The following CDH10 variants were observed in gnomAD, a reference collection of about 807,000 sequenced individuals.
CDH10 encodes cadherin-10.
A neutral mutation model predicts 73.1 loss-of-function variants in CDH10; 30 were observed. The ratio of observed to expected loss-of-function variants is 0.41; its 90% CI spans 0.31 to 0.56. The LOEUF is 0.56. CDH10 is among the 20% of genes least tolerant of loss of function. The pLI is 0.27. For synonymous variants in CDH10, 345 were observed against 348.2 expected (o/e 0.99, Z 0.10); for missense variants, 815 against 973.7 (o/e 0.84, Z 2.17).
At chr5:24,586,358 T>C (rs1745992446) in intron 2 of CDH10, among the ~76,000 whole-genome samples, 3 of 151,964 alleles carry the variant, frequency 2.0e-5, no homozygotes, top group South Asian at 2.1e-4. Flanking sequence ...AGGTTTTAAG[T>C]TATAGTTTAA....
intron 5 of CDH10, among the ~76,000 whole-genome samples, chr5:24,515,230 A>C (rs1382192590): frequency 6.6e-6 from 1 of 152,212 alleles, no homozygotes; most frequent in Non-Finnish European, 1.5e-5. Flanking sequence ...AAAATATACC[A>C]AAATCTACAA....
intron 2 of CDH10, among the ~76,000 whole-genome samples, chr5:24,548,086 CCA>C (rs1744406226): frequency 6.6e-6 from 1 of 152,122 alleles, no homozygotes; most frequent in Non-Finnish European, 1.5e-5. Context: ...AATCAGAAAT[CCA>C]CAGACTAGGC....
intron 2 of CDH10, among the ~76,000 whole-genome samples, chr5:24,550,395 T>C (rs576800318): frequency 1.3e-5 from 2 of 152,094 alleles, no homozygotes; most frequent in African/African-American, 2.4e-5. Flanking sequence ...AAAAAAATGA[T>C]GTATTCCACC....
In CDH10 at chr5:24,487,417, C is replaced by A. The variant is rs1741879660; in HGVS notation, c.*246G>T. On this transcript the variant is annotated 3_prime_UTR_variant, in exon 12 of 12. Transcript: ENST00000264463. ...TGTTTCTGAAATTATCTTTTATTTA[C>A]TAAGATGGACAACACTGTATTTCCA... 2.5e-6 allele frequency: 1 copy of A among 398,320 alleles called. No individual in the cohort carries two copies. Among genetic ancestry groups the A allele is most frequent in the Admixed American group, 4.1e-5 (1 of 24,652 alleles). 24.7% of individuals were successfully genotyped at this position (398,320 alleles called of 1,614,324 possible).
intron 1 of CDH10, among the ~76,000 whole-genome samples, chr5:24,636,038 T>C (rs1198289508): frequency 1.3e-5 from 2 of 150,414 alleles, no homozygotes; most frequent in Non-Finnish European, 3.0e-5. Context: ...AGTGCTGTGG[T>C]AAAAATACAA....
chr5:24,511,299 G>A lies in CDH10; in HGVS notation c.1002+28C>T, dbSNP rs537866759. 2.1e-6 allele frequency: 3 copies of A among 1,442,516 alleles called. No homozygotes were observed. The African/African-American group carries it at 4.2e-5, about 20-fold the overall frequency. 89.4% of individuals were successfully genotyped at this position (1,442,516 alleles called of 1,614,324 possible). Reference sequence around the variant, plus strand: ...GCAATCCCTACTCCTGAAACACACAGATGCTTATTTATATGGATGCTGTGC... The same window carrying A: ...GCAATCCCTACTCCTGAAACACACAAATGCTTATTTATATGGATGCTGTGC... On this transcript the variant is annotated intron_variant, in intron 6 of 11. Transcript: ENST00000264463.
chr5:24,641,300 C>T (rs1419222936), intron 1 of CDH10, among the ~76,000 whole-genome samples: 1 of 151,676 alleles, frequency 6.6e-6, no homozygotes, highest in African/African-American at 2.4e-5. Flanking sequence ...AGAAAACAGG[C>T]ATTGCTTGGT....
chr5:24,600,981 C>T (rs1044976954), intron 1 of CDH10, among the ~76,000 whole-genome samples: 11 of 149,616 alleles, frequency 7.4e-5, no homozygotes, highest in Admixed American at 4.7e-4. Context: ...GTATATGTGG[C>T]TTTTTTTTTC....
chr5:24,560,710 T>C (rs1744929046), intron 2 of CDH10, among the ~76,000 whole-genome samples: 1 of 152,108 alleles, frequency 6.6e-6, no homozygotes. Flanking sequence ...GAGTTGAAAC[T>C]CCAGGGTTCT....
chr5:24,535,745 T>C lies in CDH10; in HGVS notation c.604A>G (p.Ile202Val), dbSNP rs770318525. 1.2e-6 allele frequency: 2 copies of C among 1,611,566 alleles called. No individual in the cohort carries two copies. Among genetic ancestry groups the C allele is most frequent in the Non-Finnish European group, 1.7e-6 (2 of 1,178,378 alleles). ...GAGAAATAGGGCTGCCCTTGAAGTA[T>C]GCTGTAAATGACTCTGGCGCTGTTC... ...YGNSARVIYS[I>V]LQGQPYFSVE... Residue 202 changes from isoleucine (I) to valine (V), a missense_variant, in exon 4 of 12, where the codon ATA becomes GTA. Ile to Val is a conservative substitution (Grantham distance 29). Around this residue, in one of 3 missense-constraint regions of CDH10, gnomAD observed 516 missense variants for 636.6 expected, o/e 0.81. Coordinates refer to ENST00000264463, the MANE Select transcript of CDH10 (RefSeq NM_006727.5).
chr5:24,540,804 T>C (rs775814800), intron 2 of CDH10, among the ~76,000 whole-genome samples: 1 of 151,914 alleles, frequency 6.6e-6, no homozygotes, highest in African/African-American at 2.4e-5. Flanking sequence ...CAAAAAGGAC[T>C]GTATTTGAGG....
At chr5:24,569,249 G>A (rs1176910157) in intron 2 of CDH10, among the ~76,000 whole-genome samples, 2 of 152,048 alleles carry the variant, frequency 1.3e-5, no homozygotes, top group Non-Finnish European at 2.9e-5. Flanking sequence ...TATGGGTGAG[G>A]GAGATAAAGG....
At chr5:24,585,305 T>C (rs553779912) in intron 2 of CDH10, among the ~76,000 whole-genome samples, 6 of 152,310 alleles carry the variant, frequency 3.9e-5, no homozygotes, top group Admixed American at 3.9e-4. Flanking sequence ...GTCCCTGTAA[T>C]GAGTTTGTAT....
chr5:24,586,786 C>T (rs529905594), intron 2 of CDH10, among the ~76,000 whole-genome samples: 1 of 149,426 alleles, frequency 6.7e-6, no homozygotes, highest in East Asian at 2.0e-4. Flanking sequence ...TCATGGAACA[C>T]AGTTCAGTGA....
chr5:24,508,219 G>T (rs767795936), intron 7 of CDH10, among the ~76,000 whole-genome samples: 97 of 152,296 alleles, frequency 6.4e-4, no homozygotes, highest in Admixed American at 1.4e-3. Flanking sequence ...ATGGATTATA[G>T]TAAGTGTTCA....
chr5:24,612,230 G>A (rs1451749373), intron 1 of CDH10: 1 of 150,692 alleles, frequency 6.6e-6, no homozygotes, highest in Non-Finnish European at 1.5e-5. Context: ...TTTAGCAAAA[G>A]GTATCAGTTG....
rs1314380716 is a variant in CDH10, at chr5:24,534,009, T to G, written c.814+1103A>C. On this transcript the variant is annotated intron_variant, in intron 5 of 11. Transcript: ENST00000264463. ...TTCCAAATACATGCTTTTAAACAAT[T>G]TAATTTGAATCATGCACTATTAATA... Among the ~76,000 whole-genome samples, 5 of 152,060 alleles carry G rather than the reference T, an allele frequency of 3.3e-5. No homozygotes were observed. In the East Asian group the frequency reaches 9.7e-4, roughly 29 times the overall value.
intron 2 of CDH10, among the ~76,000 whole-genome samples, chr5:24,564,220 A>C (rs1472406942): frequency 3.9e-5 from 6 of 152,188 alleles, no homozygotes; most frequent in Non-Finnish European, 7.3e-5. Flanking sequence ...CACACATACT[A>C]TATGTAGATA....
intron 9 of CDH10, among the ~76,000 whole-genome samples, chr5:24,496,465 A>C (rs181419456): frequency 6.6e-6 from 1 of 152,178 alleles, no homozygotes; most frequent in African/African-American, 2.4e-5. Context: ...CGAGGGGACT[A>C]CTAATATTAC....
Sources: allele counts gnomAD v4.1 joint callset (sites outside exome capture counted in the v4.1 genomes callset), GRCh38; gene constraint gnomAD v4.1.1; regional missense constraint gnomAD v4.1.1; transcripts MANE v1.5; gene names NCBI Gene and HGNC (gene_info 2026-07-23, HGNC 2026-07-21).